Variants in CANX observed in about 807,000 individuals in gnomAD.
The protein encoded by CANX is calnexin, also known as epididymis secretory sperm binding protein.
Under a neutral mutation model 75.7 loss-of-function variants are expected in CANX, and 14 were observed. The observed-to-expected ratio is 0.19, with a 90% confidence interval of 0.12 to 0.29. The LOEUF is 0.29. Among genes scored for constraint, CANX ranks in the 10% least tolerant of loss-of-function variants. CANX has a pLI of 1.00. For synonymous variants in CANX, 227 were observed against 236.9 expected (o/e 0.96, Z 0.38); for missense variants, 567 against 713.2 (o/e 0.79, Z 2.34).
intron 10 of CANX, among the ~76,000 whole-genome samples, chr5:179,721,424 T>G (rs1161080330): frequency 3.3e-5 from 5 of 152,218 alleles, no homozygotes; most frequent in Non-Finnish European, 7.3e-5. Context: ...GTAACTATAT[T>G]TAAAAACAAA....
chr5:179,724,947 T>G (rs909226223), intron 13 of CANX, among the ~76,000 whole-genome samples, 164 bp downstream of exon 13: 7 of 151,890 alleles, frequency 4.6e-5, no homozygotes, highest in Admixed American at 2.6e-4. Flanking sequence ...AGCCCAGGAG[T>G]TTAAGGCTGT....
At chr5:179,701,344 G>C (rs7717476) in intron 1 of CANX, among the ~76,000 whole-genome samples, 2 of 152,012 alleles carry the variant, frequency 1.3e-5, no homozygotes, top group Admixed American at 6.6e-5. Context: ...CCTGTAGTTC[G>C]AGCACTTTGG....
At chr5:179,726,842 C>T (rs1391558585) in intron 14 of CANX, 83 bp downstream of exon 14, 31 of 1,043,834 alleles carry the variant, frequency 3.0e-5, no homozygotes, top group Non-Finnish European at 3.4e-5. Context: ...GGGTAGTTTA[C>T]AGTGGCTTAT....
intron 7 of CANX, among the ~76,000 whole-genome samples, chr5:179,713,955 TATTTC>T (rs1777751664): frequency 6.6e-6 from 1 of 152,128 alleles, no homozygotes; most frequent in African/African-American, 2.4e-5. Context: ...AGGTTACAGA[TATTTC>T]AATTACTGTG....
At position 179,729,787 on chromosome 5, in the gene CANX, T is replaced by C. The variant is rs1393968459; in HGVS notation, c.*1143T>C. On this transcript the variant is annotated 3_prime_UTR_variant, in exon 15 of 15. Transcript: ENST00000247461. ...TTACTCTGTGTAAAGACTTGAGAAG[T>C]CTAATTCACAGGCAAACCAATACAG... 6.6e-6 allele frequency: 1 copy of C among 152,636 alleles called. No individual in the cohort carries two copies. Among genetic ancestry groups the C allele is most frequent in the Non-Finnish European group, 1.5e-5 (1 of 68,044 alleles). The allele number at this position is 152,636 out of a possible 1,614,324, so 9.5% of individuals were successfully genotyped here.
chr5:179,708,295 G>C lies in CANX; in HGVS notation c.361G>C (p.Val121Leu). Residue 121 changes from valine (V) to leucine (L), a missense_variant, in exon 5 of 15, where the codon GTG (valine) becomes CTG (leucine). By Grantham distance (32) the Val-to-Leu change is conservative. Coordinates refer to ENST00000247461, the MANE Select transcript of CANX (RefSeq NM_001746.4). ...AAAGCTTCCAGGTGATAAAGGACTT[G>C]TGTTGATGTCTCGGGCCAAGCATCA... ...ESKLPGDKGLVLMSRAKHHAI... is the reference protein window; with the variant it reads ...ESKLPGDKGLLLMSRAKHHAI... 1 of 1,613,618 alleles carries C rather than the reference G, an allele frequency of 6.2e-7. No homozygotes were observed. The highest frequency in any genetic ancestry group is 8.5e-7 in the Non-Finnish European group (1 of 1,179,554).
chr5:179,679,074 AAAAC>A, intron 1 of CANX: 1 of 1,535,650 alleles, frequency 6.5e-7, no homozygotes, highest in Non-Finnish European at 8.7e-7. Flanking sequence ...TGATCGGCCC[AAAAC>A]TGCTGCAGCG....
In CANX at chr5:179,726,845, T is replaced by G. The variant is rs1234471066; in HGVS notation, c.1725+86T>G. 3.2e-6 allele frequency: 3 copies of G among 949,472 alleles called. No homozygotes were observed. The East Asian group carries it at 7.3e-5, about 23-fold the overall frequency. The allele number at this position is 949,472 out of a possible 1,614,324, so 58.8% of individuals were successfully genotyped here. A position where few individuals can be genotyped will look rare whatever the true frequency, so the allele number is the denominator to read the frequency against. On this transcript the variant is annotated intron_variant, in intron 14 of 14. Transcript: ENST00000247461. ...AATATTTTAATAGGGTAGTTTACAG[T>G]GGCTTATGGCAGTAAAAATTCTGTT...
At chr5:179,725,819 C>A (rs1418180564) in intron 13 of CANX, among the ~76,000 whole-genome samples, 1 of 146,594 alleles carries the variant, frequency 6.8e-6, no homozygotes, top group African/African-American at 2.5e-5. Flanking sequence ...GAAGCCCCGT[C>A]TCTACTTAAA....
At chr5:179,725,006 A>ACC (rs1778555443) in intron 13 of CANX, among the ~76,000 whole-genome samples, 1 of 151,834 alleles carries the variant, frequency 6.6e-6, no homozygotes, top group South Asian at 2.1e-4. Flanking sequence ...ACAGAGTGAG[A>ACC]CCCTGTCTCT....
chr5:179,690,402 C>A (rs1334660389), intron 1 of CANX, among the ~76,000 whole-genome samples: 1 of 150,302 alleles, frequency 6.7e-6, no homozygotes, highest in African/African-American at 2.5e-5. Context: ...ATGGTGAAAC[C>A]CCGTCTGTAC....
At chr5:179,722,754 T>G (rs758883474) in intron 10 of CANX, 50 bp from the exon 11 acceptor site, 5 of 1,340,930 alleles carry the variant, frequency 3.7e-6, no homozygotes, top group Non-Finnish European at 5.3e-6. Context: ...CACCATAAAC[T>G]TTTGTTGATC....
chr5:179,713,168 G>A (rs1228082619), intron 7 of CANX, among the ~76,000 whole-genome samples: 3 of 151,756 alleles, frequency 2.0e-5, no homozygotes, highest in African/African-American at 4.8e-5. Context: ...TGCAGCCTCC[G>A]CTTCCCAGGT....
intron 12 of CANX, 111 bp downstream of exon 12, chr5:179,723,890 C>G: frequency 1.1e-6 from 1 of 945,222 alleles, no homozygotes; most frequent in East Asian, 2.6e-5. Context: ...CAGTAATGAC[C>G]AAGCCATGTT....
At chr5:179,723,570 C>T in intron 11 of CANX, 90 bp from the exon 12 acceptor site, 1 of 1,347,344 alleles carries the variant, frequency 7.4e-7, no homozygotes, top group Non-Finnish European at 1.0e-6. Flanking sequence ...CTGCGTAGTG[C>T]CATGCCATAA....
upstream of CANX, chr5:179,698,394 C>A: frequency 1.6e-6 from 2 of 1,220,846 alleles, no homozygotes; most frequent in Non-Finnish European, 2.1e-6. Context: ...GGAACTGCGG[C>A]GCCGGCTCAC....
chr5:179,689,402 T>G (rs977626155), intron 1 of CANX, among the ~76,000 whole-genome samples: 1 of 149,276 alleles, frequency 6.7e-6, no homozygotes, highest in Non-Finnish European at 1.5e-5. Flanking sequence ...TTTTTTTTTT[T>G]TTGAGACAGA....
At chr5:179,698,925 G>A (rs951744844), upstream of CANX, 5 of 1,149,186 alleles carry the variant, frequency 4.4e-6, no homozygotes, top group African/African-American at 8.5e-5. Context: ...CCAGGGGCGG[G>A]CACAGGGCCG....
At chr5:179,700,201 G>T (rs1438830886) in intron 1 of CANX, 1 of 152,186 alleles carries the variant, frequency 6.6e-6, no homozygotes, top group Non-Finnish European at 1.5e-5. Context: ...TGACACAAGT[G>T]ATTGCTGGTT....
Sources: gnomAD v4.1 joint callset for allele counts (sites outside exome capture counted in the v4.1 genomes callset) on GRCh38, gnomAD v4.1.1 for gene constraint, MANE v1.5 for transcripts, NCBI Gene and HGNC (gene_info 2026-07-23, HGNC 2026-07-21) for gene names.